LUZP1: variants seen among roughly 807,000 people sequenced by gnomAD.
The protein encoded by LUZP1 is leucine zipper protein 1, also known as filamin mechanobinding actin cross-linking protein.
In LUZP1, 25 loss-of-function variants were observed where a neutral mutation model predicts 71.3. The ratio of observed to expected loss-of-function variants is 0.35; its 90% CI spans 0.26 to 0.49. The LOEUF is 0.49. Ranked by LOEUF, LUZP1 falls within the 20% of genes least tolerant of loss-of-function variation. The pLI, the probability that LUZP1 is intolerant of heterozygous loss-of-function variation, is 0.99. For synonymous variants in LUZP1, 481 were observed against 506.4 expected (o/e 0.95, Z 0.67); for missense variants, 1,142 against 1,300.8 (o/e 0.88, Z 1.88).
intron 2 of LUZP1, among the ~76,000 whole-genome samples, chr1:23,126,753 G>C (rs1462400697): frequency 6.6e-6 from 1 of 152,160 alleles, no homozygotes; most frequent in Non-Finnish European, 1.5e-5. Context: ...GGCCATTCTT[G>C]CTTTTGATGT....
intron 3 of LUZP1, among the ~76,000 whole-genome samples, chr1:23,107,973 G>A (rs1346723552): frequency 2.0e-5 from 3 of 152,136 alleles, no homozygotes; most frequent in Non-Finnish European, 4.4e-5. Context: ...CTGCTATGAC[G>A]AGAACCCATT....
At chr1:23,091,825 C>A (rs765775848) in exon 4 of LUZP1, 2 of 1,614,110 alleles carry the variant, frequency 1.2e-6, no homozygotes, top group East Asian at 2.2e-5. Context: ...TCCCTCAGGG[C>A]CTCACCCGGA....
exon 5 of LUZP1, chr1:23,084,367 C>CAT (rs1198254260): frequency 6.6e-6 from 1 of 152,114 alleles, no homozygotes; most frequent in Non-Finnish European, 1.5e-5. Flanking sequence ...CCTCAGAGCA[C>CAT]ATAACTCCAG....
intron 2 of LUZP1, among the ~76,000 whole-genome samples, chr1:23,139,552 A>G (rs1360814443): frequency 1.3e-5 from 2 of 152,176 alleles, no homozygotes; most frequent in Non-Finnish European, 2.9e-5. Flanking sequence ...ATCCTCTTCC[A>G]CTTAATGGAT....
intron 2 of LUZP1, among the ~76,000 whole-genome samples, chr1:23,119,384 G>A (rs984338284): frequency 6.7e-6 from 1 of 149,314 alleles, no homozygotes; most frequent in Non-Finnish European, 1.5e-5. Context: ...TCAGCCTCCT[G>A]ATTAGCTAGG....
At chr1:23,124,496 T>C (rs1327227729) in intron 2 of LUZP1, among the ~76,000 whole-genome samples, 2 of 152,202 alleles carry the variant, frequency 1.3e-5, no homozygotes, top group African/African-American at 4.8e-5. Context: ...CTCTGTTGCT[T>C]TGTGGTGTGA....
At chr1:23,091,106 A>T in intron 4 of LUZP1, 84 bp downstream of exon 3, 1 of 1,353,910 alleles carries the variant, frequency 7.4e-7, no homozygotes, top group Non-Finnish European at 1.0e-6. Context: ...TGGGTCACAC[A>T]GGCCAGAGCA....
At chr1:23,095,193 T>G (rs1439175600) in intron 3 of LUZP1, among the ~76,000 whole-genome samples, 1 of 152,286 alleles carries the variant, frequency 6.6e-6, no homozygotes, top group African/African-American at 2.4e-5. Flanking sequence ...GAAGGTTTAG[T>G]TTTTTTATGT....
chr1:23,175,676 G>A (rs1242177581), intron 1 of LUZP1, among the ~76,000 whole-genome samples: 1 of 152,214 alleles, frequency 6.6e-6, no homozygotes, highest in Non-Finnish European at 1.5e-5. Context: ...ATGGCTGAGT[G>A]CCTAACATGT....
At chr1:23,109,671 C>G (rs1448880999) in intron 2 of LUZP1, 2 of 152,170 alleles carry the variant, frequency 1.3e-5, no homozygotes, top group Admixed American at 6.5e-5. Flanking sequence ...ATAAAATTAC[C>G]TTCAGGCTAT....
rs769848698 is a variant in LUZP1, at chr1:23,093,111, G to A, written c.1151C>T (p.Ser384Phe). ...TTCCCGCGCTGTGTGCTTGGACACA[G>A]AAGCTTCACTTCCGTGGCCTCTAAA... The change falls in exon 4 of 5, where the codon TCT becomes TTT. Residue 384 changes from serine to phenylalanine, a missense_variant. Coordinates refer to ENST00000302291, the Ensembl canonical transcript of LUZP1. The surrounding 1 kb of genome is among the most constrained non-coding windows in gnomAD (Gnocchi z 4.2). The A allele has an allele frequency of 9.3e-6, 15 of 1,614,156 alleles. No individual in the cohort carries two copies. Among genetic ancestry groups the A allele is most frequent in the Non-Finnish European group, 1.1e-5 (13 of 1,180,022 alleles).
At chr1:23,133,891 T>C (rs1188625045) in intron 2 of LUZP1, among the ~76,000 whole-genome samples, 1 of 152,204 alleles carries the variant, frequency 6.6e-6, no homozygotes, top group East Asian at 1.9e-4. Context: ...CAAAAATGTC[T>C]ACCCTGAATC....
At chr1:23,117,448 T>G (rs1396635286) in intron 2 of LUZP1, among the ~76,000 whole-genome samples, 1 of 103,836 alleles carries the variant, frequency 9.6e-6, no homozygotes, top group African/African-American at 4.1e-5. Context: ...CATTCTTTTT[T>G]TTTTTCCTCT....
chr1:23,150,918 G>C (rs1331078931), intron 2 of LUZP1, among the ~76,000 whole-genome samples: 2 of 152,162 alleles, frequency 1.3e-5, no homozygotes, highest in African/African-American at 2.4e-5. Flanking sequence ...TTTCGAATTG[G>C]ACATTTGTTT....
intron 2 of LUZP1, among the ~76,000 whole-genome samples, chr1:23,155,464 G>A (rs1644414019): frequency 6.6e-6 from 1 of 152,106 alleles, no homozygotes; most frequent in African/African-American, 2.4e-5. Context: ...ACATCTTAGG[G>A]ACTTAGTTTT....
At chr1:23,137,283 C>T (rs752375047) in intron 2 of LUZP1, among the ~76,000 whole-genome samples, 2 of 152,184 alleles carry the variant, frequency 1.3e-5, no homozygotes, top group South Asian at 2.1e-4. Context: ...AGAAGATATA[C>T]GAATGGCCAA....
intron 2 of LUZP1, among the ~76,000 whole-genome samples, chr1:23,132,802 T>C (rs570915282): frequency 6.6e-6 from 1 of 152,312 alleles, no homozygotes; most frequent in East Asian, 1.9e-4. Flanking sequence ...CTATCAACTT[T>C]TCTATGTTTT....
Position 23,137,619 on chromosome 1 carries a change from C to T in LUZP1, c.-225-28492G>A, listed in dbSNP as rs1396033207. Among the ~76,000 whole-genome samples, 8 of 151,356 alleles carry T rather than the reference C, an allele frequency of 5.3e-5. No individual in the cohort carries two copies. In the East Asian group the frequency reaches 7.8e-4, roughly 15 times the overall value. On this transcript the variant is annotated intron_variant, in intron 2 of 4. Coordinates refer to ENST00000302291, the Ensembl canonical transcript of LUZP1. ...TTGCGCCACTGCACTCCAGCCTGGG[C>T]GACAAGAGTGAAACTCCATCTCAAA...
chr1:23,176,972 C>T (rs944995268), intron 1 of LUZP1, among the ~76,000 whole-genome samples: 1 of 152,118 alleles, frequency 6.6e-6, no homozygotes, highest in African/African-American at 2.4e-5. Flanking sequence ...GTCTCAAACT[C>T]CTGGGCTCAA....
Sources: gnomAD v4.1 joint callset for allele counts (sites outside exome capture counted in the v4.1 genomes callset) on GRCh38, gnomAD v4.1.1 for gene constraint, Gnocchi (gnomAD v3.1) non-coding constraint, MANE v1.5 for transcripts, NCBI Gene and HGNC (gene_info 2026-07-23, HGNC 2026-07-21) for gene names.